The following ARAP2 variants were observed in gnomAD, a reference collection of about 807,000 sequenced individuals.
ARAP2 encodes the protein arf-GAP with Rho-GAP domain, ANK repeat and PH domain-containing protein 2.
In ARAP2, 148 loss-of-function variants were observed where a neutral mutation model predicts 194.5. The observed-to-expected ratio is 0.76, with a 90% CI of 0.67 to 0.87. ARAP2 has a LOEUF of 0.87. Ranked by LOEUF, ARAP2 falls within the 40% of genes least tolerant of loss-of-function variation. The pLI is 0.00. For missense variants in ARAP2, 2,128 were observed against 1,989.7 expected (o/e 1.07, Z -1.32); for synonymous variants, 695 against 683.5 (o/e 1.02, Z -0.26).
chr4:36,210,279 T>G, intron 6 of ARAP2, 111 bp downstream of exon 6: 1 of 878,372 alleles, frequency 1.1e-6, no homozygotes, highest in Non-Finnish European at 1.7e-6. Context: ...TCTCTGTGTA[T>G]GTGTGTGTGT....
intron 28 of ARAP2, 65 bp downstream of exon 28, chr4:36,091,816 G>A: frequency 6.8e-7 from 1 of 1,478,478 alleles, no homozygotes; most frequent in Non-Finnish European, 9.1e-7. Context: ...ATGGCTGACA[G>A]TAGCATAAAA....
chr4:36,133,499 T>G, intron 19 of ARAP2, 110 bp from the exon 20 acceptor site: 1 of 969,948 alleles, frequency 1.0e-6, no homozygotes, highest in Non-Finnish European at 1.5e-6. Flanking sequence ...CAAACTCTTC[T>G]TTTATCTCAT....
At chr4:36,142,357 G>A (rs1194962761) in intron 19 of ARAP2, among the ~76,000 whole-genome samples, 1 of 151,506 alleles carries the variant, frequency 6.6e-6, no homozygotes, top group East Asian at 1.9e-4. Flanking sequence ...GTAAGTTTAA[G>A]CCATCTGAAA....
intron 8 of ARAP2, among the ~76,000 whole-genome samples, chr4:36,183,339 G>A (rs1015670472): frequency 2.6e-5 from 4 of 151,886 alleles, no homozygotes; most frequent in Non-Finnish European, 4.4e-5. Flanking sequence ...AGCTGCCACT[G>A]GATGGCTGTA....
At chr4:36,184,870 GA>G (rs1218241976) in intron 8 of ARAP2, among the ~76,000 whole-genome samples, 1 of 152,206 alleles carries the variant, frequency 6.6e-6, no homozygotes. Context: ...TGTGCTTCAA[GA>G]AACACAGTAA....
chr4:36,242,893 C>T (rs1753795270), intron 1 of ARAP2, among the ~76,000 whole-genome samples: 1 of 152,108 alleles, frequency 6.6e-6, no homozygotes, highest in Non-Finnish European at 1.5e-5. Context: ...CTATATAAAA[C>T]CCTCTTCGTG....
intron 27 of ARAP2, among the ~76,000 whole-genome samples, chr4:36,103,481 G>A (rs1260529939): frequency 6.6e-6 from 1 of 151,468 alleles, no homozygotes; most frequent in Non-Finnish European, 1.5e-5. Context: ...ATAAATAATG[G>A]TTTAATTAGG....
At position 36,229,548 on chromosome 4, in the gene ARAP2, A is replaced by C; in HGVS notation, c.-62T>G. The C allele has an allele frequency of 2.3e-6, 3 of 1,301,812 alleles. No homozygotes were observed. The highest frequency in any genetic ancestry group is 3.2e-6 in the Non-Finnish European group (3 of 941,264). The allele number at this position is 1,301,812 out of a possible 1,614,324, so 80.6% of individuals were successfully genotyped here. A position where few individuals can be genotyped will look rare whatever the true frequency, so the allele number is the denominator to read the frequency against. On this transcript the variant is annotated 5_prime_UTR_variant, in exon 2 of 33. Coordinates refer to ENST00000303965, the MANE Select transcript of ARAP2 (RefSeq NM_015230.4). ...TGGCACGATGAGACACACACACAAGAAGATGTACTTCTCTACTGGCTTTTC... is the reference window on the plus strand; with the variant it reads ...TGGCACGATGAGACACACACACAAGCAGATGTACTTCTCTACTGGCTTTTC...
At chr4:36,010,253 T>A (rs1389748794) in intron 9 of ARAP2, among the ~76,000 whole-genome samples, 1 of 151,402 alleles carries the variant, frequency 6.6e-6, no homozygotes, top group Non-Finnish European at 1.5e-5. Flanking sequence ...GTGAGCATTT[T>A]TAGAAAAAAT....
intron 5 of ARAP2, among the ~76,000 whole-genome samples, chr4:36,035,986 T>G (rs1719853970): frequency 6.6e-6 from 1 of 152,168 alleles, no homozygotes; most frequent in South Asian, 2.1e-4. Context: ...TGACATTGGT[T>G]TGTTATTTTT....
intron 15 of ARAP2, among the ~76,000 whole-genome samples, chr4:36,158,035 CATT>C (rs1200459292): frequency 1.3e-5 from 2 of 152,058 alleles, no homozygotes. Flanking sequence ...AGGCAGACTG[CATT>C]ATATTTTCCT....
chr4:36,081,673 G>T (rs1170191053), intron 30 of ARAP2, among the ~76,000 whole-genome samples: 2 of 151,828 alleles, frequency 1.3e-5, no homozygotes, highest in Non-Finnish European at 2.9e-5. Flanking sequence ...GAGGCCTGAA[G>T]AGCACTTAGG....
rs1725745523 is a variant in ARAP2, at chr4:36,067,466, CTT to C, written c.*439_*440del. On this transcript the variant is annotated 3_prime_UTR_variant, in exon 33 of 33. Coordinates refer to ENST00000303965, the MANE Select transcript of ARAP2 (RefSeq NM_015230.4). The stretch of plus-strand genomic sequence containing the variant: ...TCCCTTTCTTTTCCCTAAGGTAGAA[CTT>C]CTGTAAACCTAAAAACATATGGTAA... 1 of 152,776 alleles carries C rather than the reference CTT, an allele frequency of 6.5e-6. No homozygotes were observed. The highest frequency in any genetic ancestry group is 6.5e-5 in the Admixed American group (1 of 15,282). The allele number at this position is 152,776 out of a possible 1,614,324, so 9.5% of individuals were successfully genotyped here. A position where few individuals can be genotyped will look rare whatever the true frequency, so the allele number is the denominator to read the frequency against.
chr4:36,015,618 A>G (rs997753954), exon 8 of ARAP2: 3 of 152,212 alleles, frequency 2.0e-5, no homozygotes, highest in African/African-American at 7.2e-5. Context: ...GGTTCCAAAT[A>G]GGAGAAGACA....
At chr4:36,159,802 A>G (rs777928053) in intron 13 of ARAP2, 16 of 202,256 alleles carry the variant, frequency 7.9e-5, no homozygotes, top group Admixed American at 5.4e-4. Context: ...CTTACATACT[A>G]TGATAATGAC....
intron 19 of ARAP2, among the ~76,000 whole-genome samples, chr4:36,136,932 G>A (rs113735516): frequency 6.7e-6 from 1 of 149,322 alleles, no homozygotes; most frequent in Non-Finnish European, 1.5e-5. Flanking sequence ...ACGCGCGCGC[G>A]CACACACACA....
At chr4:36,178,562 T>G (rs1202679648) in intron 8 of ARAP2, among the ~76,000 whole-genome samples, 1 of 152,114 alleles carries the variant, frequency 6.6e-6, no homozygotes, top group East Asian at 1.9e-4. Flanking sequence ...ACCTGGCAAA[T>G]TAAAATTTGG....
chr4:36,197,568 A>C (rs1743393465), intron 6 of ARAP2, among the ~76,000 whole-genome samples: 2 of 152,162 alleles, frequency 1.3e-5, no homozygotes, highest in South Asian at 4.1e-4. Context: ...GCTCTGGCCC[A>C]CTGGGTTTGT....
intron 24 of ARAP2, among the ~76,000 whole-genome samples, chr4:36,118,453 G>A (rs1480131208): frequency 6.6e-6 from 1 of 151,202 alleles, no homozygotes; most frequent in Non-Finnish European, 1.5e-5. Flanking sequence ...AAAAATTTAA[G>A]TAAAAAAACA....
Sources: gnomAD v4.1 joint callset for allele counts (sites outside exome capture counted in the v4.1 genomes callset) on GRCh38, gnomAD v4.1.1 for gene constraint, MANE v1.5 for transcripts, NCBI Gene and HGNC (gene_info 2026-07-23, HGNC 2026-07-21) for gene names.